The following UNC13C variants were observed in gnomAD, a reference collection of about 807,000 sequenced individuals.
UNC13C encodes the protein unc-13 homolog C, also known as protein unc-13 homolog C.
UNC13C carries 174 observed loss-of-function variants against 245.4 expected under a neutral mutation model. The ratio of observed to expected loss-of-function variants is 0.71; its 90% CI spans 0.63 to 0.80. The LOEUF is 0.80. Among genes scored for constraint, UNC13C ranks in the 30% least tolerant of loss-of-function variants. The pLI is 0.00. For missense variants in UNC13C, 2,829 were observed against 2,602.9 expected, an observed-to-expected ratio of 1.09 and a Z score of -1.89; for synonymous variants, 992 against 895.1, an observed-to-expected ratio of 1.11 and a Z score of -1.93.
intron 30 of UNC13C, among the ~76,000 whole-genome samples, chr15:54,601,123 T>C (rs1463359452): frequency 1.3e-5 from 2 of 152,314 alleles, no homozygotes; most frequent in Middle Eastern, 3.4e-3. Context: ...TGGGTTAAGC[T>C]AGAGTAAACC....
intron 19 of UNC13C, among the ~76,000 whole-genome samples, chr15:54,473,960 A>G (rs759993716): frequency 2.2e-4 from 33 of 151,998 alleles, no homozygotes; most frequent in Non-Finnish European, 2.6e-4. Context: ...TTTAAATGAG[A>G]ACGTGTGATA....
chr15:54,339,640 G>GATATAGAT lies in UNC13C; in HGVS notation c.4713+1156_4713+1157insGATATATA, dbSNP rs959135545. 1.7e-4 allele frequency among the ~76,000 whole-genome samples: 25 copies of GATATAGAT among 149,690 alleles called. 1 individual carries two copies. In the East Asian group the frequency reaches 4.3e-3, roughly 26 times the overall value. ...GAATAGTAGTATTCCATTATGTGGA[G>GATATAGAT]ATATATATATATATATATATATATC... On this transcript the variant is annotated intron_variant, in intron 17 of 32. Coordinates refer to ENST00000260323, the MANE Select transcript of UNC13C (RefSeq NM_001080534.3).
intron 7 of UNC13C, among the ~76,000 whole-genome samples, chr15:54,245,674 C>T (rs1203386790): frequency 6.6e-6 from 1 of 152,048 alleles, no homozygotes; most frequent in Non-Finnish European, 1.5e-5. Context: ...CATATTATAC[C>T]TAATGTTTGG....
intron 2 of UNC13C, among the ~76,000 whole-genome samples, chr15:54,021,250 T>C (rs1895893058): frequency 6.6e-6 from 1 of 152,190 alleles, no homozygotes; most frequent in East Asian, 1.9e-4. Context: ...TTGACTGTGG[T>C]CACCATACCG....
intron 24 of UNC13C, 66 bp from the exon 25 acceptor site, chr15:54,525,483 T>C: frequency 8.3e-7 from 1 of 1,210,006 alleles, no homozygotes; most frequent in East Asian, 2.5e-5. Context: ...TCAAAATGCT[T>C]GTAAGCAAAA....
intron 17 of UNC13C, among the ~76,000 whole-genome samples, chr15:54,360,484 T>C (rs969385371): frequency 6.6e-6 from 1 of 152,156 alleles, no homozygotes; most frequent in African/African-American, 2.4e-5. Context: ...TGCTCTGATA[T>C]TGGGTACATA....
chr15:54,511,249 A>G (rs949202707), intron 23 of UNC13C, among the ~76,000 whole-genome samples: 1 of 152,182 alleles, frequency 6.6e-6, no homozygotes, highest in African/African-American at 2.4e-5. Context: ...AAATGAGAAG[A>G]AAAACACAGG....
the UNC13C span, among the ~76,000 whole-genome samples, chr15:53,933,673 G>A: frequency 1.3e-5 from 2 of 152,170 alleles, no homozygotes; most frequent in Admixed American, 1.3e-4. Flanking sequence ...CTCCCTGAGT[G>A]CACTATGCTG....
chr15:54,401,801 G>C (rs1396988500), intron 18 of UNC13C, among the ~76,000 whole-genome samples: 2 of 151,978 alleles, frequency 1.3e-5, no homozygotes, highest in Non-Finnish European at 2.9e-5. Flanking sequence ...CTTGTCTGAG[G>C]GTCCCTGAAG....
At chr15:54,583,010 T>A (rs1898275044) in intron 30 of UNC13C, among the ~76,000 whole-genome samples, 1 of 152,156 alleles carries the variant, frequency 6.6e-6, no homozygotes, top group Non-Finnish European at 1.5e-5. Flanking sequence ...CACAGATTGC[T>A]CGGTTACACT....
chr15:54,444,530 G>T (rs1304542774), intron 19 of UNC13C, among the ~76,000 whole-genome samples: 2 of 151,412 alleles, frequency 1.3e-5, no homozygotes, highest in African/African-American at 4.8e-5. Flanking sequence ...TCAATTCAAG[G>T]TTATCATTGA....
At chr15:54,370,850 A>C (rs1053945204) in intron 17 of UNC13C, among the ~76,000 whole-genome samples, 2 of 152,036 alleles carry the variant, frequency 1.3e-5, no homozygotes, top group African/African-American at 4.8e-5. Context: ...AATATCCTTC[A>C]TTAAAATATA....
intron 19 of UNC13C, among the ~76,000 whole-genome samples, chr15:54,481,272 A>C (rs557776939): frequency 1.3e-5 from 2 of 152,098 alleles, no homozygotes; most frequent in South Asian, 4.2e-4. Flanking sequence ...CAGTGGCAGT[A>C]GTGGTGGTGA....
the UNC13C span, among the ~76,000 whole-genome samples, chr15:53,853,765 T>C: frequency 6.6e-6 from 1 of 152,226 alleles, no homozygotes; most frequent in Non-Finnish European, 1.5e-5. Flanking sequence ...CCTTTTTTCA[T>C]ACATTTGTTG....
chr15:54,495,858 T>A (rs1424057775), intron 20 of UNC13C, among the ~76,000 whole-genome samples: 1 of 151,918 alleles, frequency 6.6e-6, no homozygotes, highest in Admixed American at 6.6e-5. Flanking sequence ...AACACAACTT[T>A]TCTCATACAA....
At chr15:54,319,210 C>T (rs1454171515) in intron 13 of UNC13C, among the ~76,000 whole-genome samples, 2 of 151,188 alleles carry the variant, frequency 1.3e-5, no homozygotes, top group Admixed American at 6.6e-5. Flanking sequence ...TTTATTGTCA[C>T]CTACACCATT....
At chr15:54,480,418 T>TG (rs1893042386) in intron 19 of UNC13C, among the ~76,000 whole-genome samples, 1 of 144,024 alleles carries the variant, frequency 6.9e-6, no homozygotes, top group Admixed American at 6.8e-5. Flanking sequence ...TTTTTACTCT[T>TG]TTTTTTTTTT....
the UNC13C span, among the ~76,000 whole-genome samples, chr15:53,929,458 T>C: frequency 6.6e-6 from 1 of 152,198 alleles, no homozygotes; most frequent in Non-Finnish European, 1.5e-5. Context: ...CTCAGTAATG[T>C]TAAAGCATCA....
chr15:54,513,184 A>T (rs959248068), intron 24 of UNC13C, among the ~76,000 whole-genome samples: 2 of 152,152 alleles, frequency 1.3e-5, no homozygotes, highest in Admixed American at 1.3e-4. Context: ...AATTTTACTG[A>T]TGTTTTATAT....
Sources: gnomAD v4.1 joint callset for allele counts (sites outside exome capture counted in the v4.1 genomes callset) on GRCh38, gnomAD v4.1.1 for gene constraint, MANE v1.5 for transcripts, NCBI Gene and HGNC (gene_info 2026-07-23, HGNC 2026-07-21) for gene names.